The following SHPRH variants were observed in gnomAD, a reference collection of about 807,000 sequenced individuals.
SHPRH encodes the protein SNF2 histone linker PHD RING helicase, also known as E3 ubiquitin-protein ligase SHPRH.
SHPRH carries 106 observed loss-of-function variants against 202.5 expected under a neutral mutation model. The observed-to-expected ratio is 0.52, with a 90% confidence interval of 0.45 to 0.62. SHPRH has a LOEUF of 0.62. SHPRH is among the 20% of genes least tolerant of loss of function. The pLI is 0.00. For synonymous variants in SHPRH, 729 were observed against 686.0 expected (o/e 1.06, Z -0.98); for missense variants, 1,710 against 2,020.0 (o/e 0.85, Z 2.94).
intron 2 of SHPRH, among the ~76,000 whole-genome samples, chr6:145,876,493 T>G (rs530970832): frequency 6.6e-6 from 1 of 152,232 alleles, no homozygotes; most frequent in Non-Finnish European, 1.5e-5. Context: ...TGTTGTAGCA[T>G]GTATAAGTAT....
At chr6:145,906,486 T>C (rs962934222) in intron 25 of SHPRH, 6 of 152,124 alleles carry the variant, frequency 3.9e-5, no homozygotes, top group African/African-American at 1.4e-4. Flanking sequence ...ATACCTGTTA[T>C]TTGACTTCAA....
intron 24 of SHPRH, among the ~76,000 whole-genome samples, chr6:145,912,871 A>G (rs1783618716): frequency 6.6e-6 from 1 of 152,070 alleles, no homozygotes; most frequent in African/African-American, 2.4e-5. Context: ...ATATAGATTT[A>G]TCATAGAAAG....
At chr6:145,859,937 T>C (rs958906576), downstream of SHPRH, among the ~76,000 whole-genome samples, 1 of 152,114 alleles carries the variant, frequency 6.6e-6, no homozygotes, top group African/African-American at 2.4e-5. Context: ...GTTTAACCTA[T>C]ATTAGTCTCT....
chr6:145,890,245 T>C lies in SHPRH; in HGVS notation c.4875-2145A>G, dbSNP rs538454747. 3.3e-5 allele frequency among the ~76,000 whole-genome samples: 5 copies of C among 152,312 alleles called. No homozygotes were observed. The South Asian group carries it at 8.3e-4, about 25-fold the overall frequency. Reference sequence around the variant, plus strand: ...GCCTGAAATCTGCCACTGCTTCTACTAGCTGCCTGACTATGGGCAAGTTAC... The same window carrying C: ...GCCTGAAATCTGCCACTGCTTCTACCAGCTGCCTGACTATGGGCAAGTTAC... On this transcript the variant is annotated intron_variant, in intron 28 of 29. Coordinates refer to ENST00000275233, the MANE Select transcript of SHPRH (RefSeq NM_001042683.3).
chr6:145,882,456 AC>A (rs890822554), downstream of SHPRH, among the ~76,000 whole-genome samples: 11 of 152,218 alleles, frequency 7.2e-5, no homozygotes, highest in African/African-American at 4.8e-5. Context: ...GGTAAATACA[AC>A]ATTCCACACT....
the SHPRH span, among the ~76,000 whole-genome samples, chr6:145,858,247 C>T: frequency 6.6e-6 from 1 of 152,028 alleles, no homozygotes; most frequent in Non-Finnish European, 1.5e-5. Context: ...TATGTTTACA[C>T]AAAGACTTAT....
rs532257154 is a variant in SHPRH, at chr6:145,901,337, T to C, written c.4516-6360A>G. ...TTTCATGTTTCTTCTATCTTAAATA[T>C]GTAAATAAACTTGGGTTCAAATCTG... On this transcript the variant is annotated intron_variant, in intron 25 of 29. Coordinates refer to ENST00000275233, the MANE Select transcript of SHPRH (RefSeq NM_001042683.3). Among the ~76,000 whole-genome samples the C allele has an allele frequency of 2.0e-5, 3 of 152,228 alleles. No homozygotes were observed. In the South Asian group the frequency reaches 6.2e-4, roughly 32 times the overall value.
In SHPRH at chr6:145,918,238, G is replaced by C; in HGVS notation, c.4153-6C>G. The C allele has an allele frequency of 2.0e-6, 3 of 1,506,274 alleles. No homozygotes were observed. The highest frequency in any genetic ancestry group is 2.7e-6 in the Non-Finnish European group (3 of 1,129,166). The allele number at this position is 1,506,274 out of a possible 1,614,324, so 93.3% of individuals were successfully genotyped here. ...TTTATTCGGTTTTGTTCTACCTAAA[G>C]AAAATAAAAATAAAAACTTCTTTAT... On this transcript the variant is annotated splice_polypyrimidine_tract_variant and splice_region_variant and intron_variant, in intron 22 of 29. Coordinates refer to ENST00000275233, the MANE Select transcript of SHPRH (RefSeq NM_001042683.3).
Position 145,953,797 on chromosome 6 carries a change from C to T in SHPRH, c.633+893G>A, listed in dbSNP as rs1419936641. ...GTATTATTTACATTTCATAAAGAAA[C>T]TGAAATTAGAGCATTTAAATGATTC... On this transcript the variant is annotated intron_variant, in intron 2 of 29. Coordinates refer to ENST00000275233, the MANE Select transcript of SHPRH (RefSeq NM_001042683.3). Among the ~76,000 whole-genome samples the T allele has an allele frequency of 1.3e-5, 2 of 151,944 alleles. 1 individual carries two copies. Among genetic ancestry groups the T allele is most frequent in the East Asian group, 3.9e-4 (2 of 5,174 alleles).
At chr6:145,952,273 G>GTT in intron 3 of SHPRH, 76 bp downstream of exon 3, 1 of 1,297,976 alleles carries the variant, frequency 7.7e-7, no homozygotes, top group Non-Finnish European at 1.0e-6. Flanking sequence ...TTTTCTGATT[G>GTT]TTATGTCCAG....
rs755718886 is a variant in SHPRH, at chr6:145,888,100, T to C, written c.4875A>G (p.Lys1625=). ...TTAAGAATCTGTGTACAATAGTAGG[T>C]CTAAAAGGTACAGAAGAATTTTAAG... ...IGRVHRIGQT[K]PTIVHRFLIK... The change falls in exon 29 of 30, where the codon AAA becomes AAG. Residue 1625 remains lysine, a splice_region_variant and synonymous_variant. Coordinates refer to ENST00000275233, the MANE Select transcript of SHPRH (RefSeq NM_001042683.3). 6.2e-7 allele frequency: 1 copy of C among 1,602,104 alleles called. No homozygotes were observed. Among genetic ancestry groups the C allele is most frequent in the East Asian group, 2.2e-5 (1 of 44,674 alleles).
chr6:145,931,162 ATT>A (rs1322067377), intron 14 of SHPRH, among the ~76,000 whole-genome samples: 3 of 151,898 alleles, frequency 2.0e-5, no homozygotes, highest in African/African-American at 7.3e-5. Flanking sequence ...ATTGATGGTT[ATT>A]GTTTGTTTTT....
chr6:145,863,358 A>T (rs1779644608), downstream of SHPRH, among the ~76,000 whole-genome samples: 1 of 152,234 alleles, frequency 6.6e-6, no homozygotes, highest in Non-Finnish European at 1.5e-5. Flanking sequence ...TGCTTGCAAA[A>T]GGGTAGACAT....
In SHPRH at chr6:145,922,712, C is replaced by G; in HGVS notation, c.3670G>C (p.Glu1224Gln). ...CGGAGGTGACAGACTGTTGCAGACT[C>G]AATAACATTACGAGATGGAGGTCCC... Reference protein sequence around the residue: ...LEGPPSRNVIESATVCHLRPA... With the variant: ...LEGPPSRNVIQSATVCHLRPA... Residue 1224 changes from glutamate (E) to glutamine (Q), a missense_variant, in exon 19 of 30, where the codon GAG (glutamate) becomes CAG (glutamine). Around this residue, in one of 8 missense-constraint regions of SHPRH, gnomAD observed 288 missense variants for 317.8 expected, o/e 0.91. Transcript: ENST00000275233. 3 of 1,612,076 alleles carry G rather than the reference C, an allele frequency of 1.9e-6. No individual in the cohort carries two copies. Among genetic ancestry groups the G allele is most frequent in the Middle Eastern group, 1.7e-4 (1 of 6,046 alleles).
chr6:145,950,943 G>A (rs769415250), intron 3 of SHPRH, among the ~76,000 whole-genome samples: 53 of 152,126 alleles, frequency 3.5e-4, no homozygotes, highest in Non-Finnish European at 6.5e-4. Flanking sequence ...GTTTATATAG[G>A]AACAACTTAC....
intron 2 of SHPRH, among the ~76,000 whole-genome samples, chr6:145,867,631 T>TATAGAGAGAGAGAGAG (rs1554220329): frequency 9.0e-5 from 2 of 22,318 alleles, no homozygotes; most frequent in Non-Finnish European, 1.5e-4. Flanking sequence ...TATATATATA[T>TATAGAGAGAGAGAGAG]AGAGAGAGAG....
At chr6:145,890,929 T>G (rs78300781) in intron 28 of SHPRH, among the ~76,000 whole-genome samples, 1 of 152,120 alleles carries the variant, frequency 6.6e-6, no homozygotes, top group African/African-American at 2.4e-5. Flanking sequence ...CCACTCCTCA[T>G]CATGTGCACT....
chr6:145,941,875 C>A lies in SHPRH; in HGVS notation c.2239-1G>T. On this transcript the variant is annotated splice_acceptor_variant, in intron 9 of 29. Transcript: ENST00000275233. LOFTEE classifies it high-confidence loss of function. ...CATCTTTCTTCACTCCTTGATATAC[C>A]TAGGAAATAATCAATACAGGCAGTT... is the stretch of plus-strand genomic sequence containing the variant. 6.2e-7 allele frequency: 1 copy of A among 1,612,926 alleles called. No individual in the cohort carries two copies.
downstream of SHPRH, among the ~76,000 whole-genome samples, chr6:145,860,099 G>GT (rs1478488626): frequency 2.6e-5 from 4 of 152,100 alleles, no homozygotes; most frequent in African/African-American, 9.6e-5. Context: ...AAACCTGAAA[G>GT]TTTTTTCTCT....
Sources: allele counts gnomAD v4.1 joint callset (sites outside exome capture counted in the v4.1 genomes callset), GRCh38; gene constraint gnomAD v4.1.1; regional missense constraint gnomAD v4.1.1; transcripts MANE v1.5; gene names NCBI Gene and HGNC (gene_info 2026-07-23, HGNC 2026-07-21).